The following ANKRD36 variants were observed in gnomAD, a reference collection of about 807,000 sequenced individuals.
ANKRD36 encodes the protein ankyrin repeat domain-containing protein 36A.
Under a neutral mutation model 278.1 loss-of-function variants are expected in ANKRD36, and 179 were observed. That is an observed-to-expected ratio of 0.64 (90% CI 0.57 to 0.73). The LOEUF is 0.73. Ranked by LOEUF, ANKRD36 falls within the 30% of genes least tolerant of loss-of-function variation. The probability of loss-of-function intolerance (pLI) is 0.00; values close to 1 mark genes in which losing one functional copy is unlikely to be tolerated. For synonymous variants in ANKRD36, 320 were observed against 641.1 expected (o/e 0.50, Z 7.57); for missense variants, 1,159 against 1,956.7 (o/e 0.59, Z 7.69).
chr2:97,202,043 A>T (rs1298059464), intron 46 of ANKRD36, among the ~76,000 whole-genome samples, 159 bp from the exon 47 acceptor site: 3 of 151,896 alleles, frequency 2.0e-5, no homozygotes, highest in African/African-American at 7.2e-5. Flanking sequence ...TTCTCAGTGT[A>T]TTTCTGTCAC....
chr2:97,179,737 G>T lies in ANKRD36; in HGVS notation c.1634-1G>T, dbSNP rs757540576. ...GATTATGTATCCCTTTTGCTTTTCAGTGTCTTCTCAGAAACAACCAGCTGA... is the reference window on the plus strand; with the variant it reads ...GATTATGTATCCCTTTTGCTTTTCATTGTCTTCTCAGAAACAACCAGCTGA... On this transcript the variant is annotated splice_acceptor_variant, in intron 22 of 75. Transcript: ENST00000420699. LOFTEE classifies it high-confidence loss of function. The T allele has an allele frequency of 5.6e-6, 9 of 1,593,474 alleles. No homozygotes were observed. Among genetic ancestry groups the T allele is most frequent in the Admixed American group, 5.1e-5 (3 of 59,190 alleles).
At chr2:97,151,520 T>G (rs1300437177) in intron 12 of ANKRD36, among the ~76,000 whole-genome samples, 1 of 152,250 alleles carries the variant, frequency 6.6e-6, no homozygotes, top group South Asian at 2.1e-4. Context: ...TGAAAAATAA[T>G]GTGATTAATT....
rs1189838835 is a variant in ANKRD36 at position 97,189,257 on chromosome 2, A to G, written c.2212A>G (p.Thr738Ala). 1 of 759,802 alleles carries G rather than the reference A, an allele frequency of 1.3e-6. No homozygotes were observed. The highest frequency in any genetic ancestry group is 1.3e-5 in the South Asian group (1 of 78,690). The allele number at this position is 759,802 out of a possible 1,614,324, so 47.1% of individuals were successfully genotyped here. Residue 738 changes from threonine (T) to alanine (A), a missense_variant, in exon 34 of 76, where the codon ACA (threonine) becomes GCA (alanine). Physicochemically the swap from Thr to Ala is moderately conservative, Grantham distance 58. Transcript: ENST00000420699. Reference protein sequence around the residue: ...DEEDSVSNIATEIKDGEKSGT... With the variant: ...DEEDSVSNIAAEIKDGEKSGT... ...GGAAGATTCTGTTTCGAATATAGCC[A>G]CAGAAATAAAGGATGGAGAAAAATC...
rs1452802788 is a variant in ANKRD36, at chr2:97,202,215, A to T, written c.2871A>T (p.Lys957Asn). ...GEISRKVSSQ[K>N]PPALKGTSDE... ...TTTGCTTTTCAGTGTCTTCTCAGAA[A>T]CCACCAGCCTTGAAGGTAATGAAAC... Residue 957 changes from lysine to asparagine, a missense_variant, in exon 47 of 76, where the codon AAA becomes AAT. Physicochemically the swap from Lys to Asn is moderately conservative, Grantham distance 94. Transcript: ENST00000420699. The T allele has an allele frequency of 6.2e-7, 1 of 1,609,606 alleles. No individual in the cohort carries two copies. The highest frequency in any genetic ancestry group is 2.2e-5 in the East Asian group (1 of 44,688).
At position 97,117,664 on chromosome 2, in the gene ANKRD36, G is replaced by T. The variant is rs186212279; in HGVS notation, c.198-400G>T. ...CATTTTACTTAATTAAAATGTCTTT[G>T]TAGGTAGTAATATCTAAAAATTATT... On this transcript the variant is annotated intron_variant, in intron 1 of 75. Coordinates refer to ENST00000420699, the MANE Select transcript of ANKRD36 (RefSeq NM_001354587.1). 4.3e-3 allele frequency among the ~76,000 whole-genome samples: 646 copies of T among 151,468 alleles called. 3 individuals carry two copies. The highest frequency in any genetic ancestry group is 0.015 in the African/African-American group (598 of 40,884).
chr2:97,118,513 G>T lies in ANKRD36; in HGVS notation c.482G>T (p.Ser161Ile), dbSNP rs765033702. ...CATGGTACAAATATTGAAGAATGCA[G>T]CAAGGTATAGGTCAACCAATGTTAT... ...LSHGTNIEECSKCEYQPLLFA... is the reference protein window; with the variant it reads ...LSHGTNIEECIKCEYQPLLFA... The change falls in exon 3 of 76, where the codon AGC (serine) becomes ATC (isoleucine). Residue 161 changes from serine to isoleucine, a missense_variant. Transcript: ENST00000420699. 15 of 1,581,520 alleles carry T rather than the reference G, an allele frequency of 9.5e-6. 1 individual carries two copies. Among genetic ancestry groups the T allele is most frequent in the Middle Eastern group, 2.3e-4 (1 of 4,370 alleles).
rs1390105263 is a variant in ANKRD36, at chr2:97,158,211, T to G, written c.1321+44T>G. The G allele has an allele frequency of 2.2e-6, 3 of 1,386,390 alleles. No homozygotes were observed. The Admixed American group carries it at 6.9e-5, about 32-fold the overall frequency. The allele number at this position is 1,386,390 out of a possible 1,614,324, so 85.9% of individuals were successfully genotyped here. ...GACTATTATATTATCTACTGAATCTTTTTTTTTCTTTCTTTTTCTTTCTTA... is the reference window on the plus strand; with the variant it reads ...GACTATTATATTATCTACTGAATCTGTTTTTTTCTTTCTTTTTCTTTCTTA... On this transcript the variant is annotated intron_variant, in intron 16 of 75. Transcript: ENST00000420699.
intron 6 of ANKRD36, among the ~76,000 whole-genome samples, chr2:97,127,813 C>T (rs2039012226): frequency 6.6e-6 from 1 of 151,894 alleles, no homozygotes; most frequent in South Asian, 2.1e-4. Context: ...ATGCCTTCTT[C>T]ATTTGTTTTA....
At chr2:97,158,188 CTATTA>C in intron 16 of ANKRD36, 21 bp downstream of exon 16, 1 of 1,446,016 alleles carries the variant, frequency 6.9e-7, no homozygotes, top group East Asian at 2.5e-5. Flanking sequence ...TGAAACCTGA[CTATTA>C]TATTATCTAC....
intron 44 of ANKRD36, 136 bp from the exon 45 acceptor site, chr2:97,200,198 A>C: frequency 3.2e-6 from 5 of 1,539,924 alleles, no homozygotes; most frequent in Non-Finnish European, 3.5e-6. Flanking sequence ...TCTGATCCCC[A>C]GACACAAAGT....
rs533169379 is a variant in ANKRD36 at position 97,113,851 on chromosome 2, A to G, written c.112A>G (p.Arg38Gly). Residue 38 changes from arginine (R) to glycine (G), a missense_variant, in exon 1 of 76, where the codon AGA becomes GGA. By Grantham distance (125) the Arg-to-Gly change is moderately radical (BLOSUM62 -2). Transcript: ENST00000420699. ...IKPYHLKRIH[R>G]AVLHGNLEKL... ...ACCGTATCATCTGAAGAGGATCCAC[A>G]GAGCTGTCTTACATGGTAATCTAGA... is the stretch of plus-strand genomic sequence containing the variant. The G allele has an allele frequency of 3.8e-5, 61 of 1,613,214 alleles. 1 individual carries two copies. In the South Asian group the frequency reaches 6.5e-4, roughly 17 times the overall value.
At position 97,203,489 on chromosome 2, in the gene ANKRD36, G is replaced by T. The variant is rs139024447; in HGVS notation, c.2960-579G>T. On this transcript the variant is annotated intron_variant, in intron 48 of 75. Transcript: ENST00000420699. ...TAGGCAGATTATTACACCATATGGG[G>T]GTGAGAGATAATGAATATTATCTAC... Among the ~76,000 whole-genome samples the T allele has an allele frequency of 6.6e-3, 1,007 of 151,938 alleles. 54 individuals are homozygous for T. The East Asian group carries it at 0.11, about 16-fold the overall frequency.
chr2:97,114,337 G>T (rs1343638294), intron 1 of ANKRD36, among the ~76,000 whole-genome samples: 1 of 110,474 alleles, frequency 9.1e-6, no homozygotes, highest in Non-Finnish European at 1.9e-5. Flanking sequence ...GCAGAGGTGA[G>T]GGGGGCGAGT....
intron 4 of ANKRD36, 26 bp downstream of exon 4, chr2:97,123,019 C>T (rs771176336): frequency 4.2e-5 from 62 of 1,492,408 alleles, no homozygotes; most frequent in Middle Eastern, 3.5e-4. Flanking sequence ...CTTATTGTGT[C>T]GTTTTTAAAC....
rs1035364792 is a variant in ANKRD36 at position 97,154,859 on chromosome 2, A to T, written c.1260+118A>T. 4.5e-6 allele frequency: 4 copies of T among 887,220 alleles called. No individual in the cohort carries two copies. In the African/African-American group the frequency reaches 6.6e-5, roughly 15 times the overall value. 55.0% of individuals were successfully genotyped at this position (887,220 alleles called of 1,614,324 possible). A position where few individuals can be genotyped will look rare whatever the true frequency, so the allele number is the denominator to read the frequency against. ...CCTATCATTGTTTTATGTTAGTATT[A>T]AAACTTTTATTAGAGATAACCATTT... is the stretch of plus-strand genomic sequence containing the variant. On this transcript the variant is annotated intron_variant, in intron 15 of 75. Transcript: ENST00000420699.
intron 32 of ANKRD36, 82 bp downstream of exon 32, chr2:97,187,483 C>T (rs1276339015): frequency 0.039 from 378 of 9,698 alleles, 1 homozygote; most frequent in Non-Finnish European, 0.057. Context: ...CAGCGGAGGG[C>T]GGGTGGGGGG....
At chr2:97,169,726 G>GA (rs2051826308) in intron 22 of ANKRD36, among the ~76,000 whole-genome samples, 1 of 152,238 alleles carries the variant, frequency 6.6e-6, no homozygotes, top group African/African-American at 2.4e-5. Context: ...ACTCACAAGG[G>GA]ATGAGAAAGA....
At chr2:97,195,013 T>C in intron 40 of ANKRD36, 96 bp downstream of exon 40, 1 of 1,471,648 alleles carries the variant, frequency 6.8e-7, no homozygotes, top group Non-Finnish European at 9.2e-7. Context: ...AGATGCACAT[T>C]CTGATTCAGC....
At chr2:97,215,685 G>T in intron 62 of ANKRD36, 188 bp downstream of exon 62, 1 of 1,484,206 alleles carries the variant, frequency 6.7e-7, no homozygotes, top group South Asian at 1.3e-5. Context: ...TGAGTAGTAA[G>T]ATTGTAGACT....
Sources: gnomAD v4.1 joint callset for allele counts (sites outside exome capture counted in the v4.1 genomes callset) on GRCh38, gnomAD v4.1.1 for gene constraint, MANE v1.5 for transcripts, NCBI Gene and HGNC (gene_info 2026-07-23, HGNC 2026-07-21) for gene names.